VPS54: variants seen among roughly 807,000 people sequenced by gnomAD.
The protein encoded by VPS54 is VPS54 subunit of GARP complex, also known as vacuolar protein sorting-associated protein 54.
In VPS54, 45 loss-of-function variants were observed where a neutral mutation model predicts 121.5. The observed-to-expected ratio is 0.37, with a 90% CI of 0.29 to 0.47. The LOEUF is 0.47. Among genes scored for constraint, VPS54 ranks in the 20% least tolerant of loss-of-function variants. The probability of loss-of-function intolerance (pLI) is 0.99; values close to 1 mark genes in which losing one functional copy is unlikely to be tolerated. For missense variants in VPS54, 1,090 were observed against 1,131.4 expected (o/e 0.96, Z 0.52); for synonymous variants, 371 against 385.8 (o/e 0.96, Z 0.45).
At chr2:63,930,727 T>C (rs148234846) in intron 12 of VPS54, among the ~76,000 whole-genome samples, 3,166 of 152,236 alleles carry the variant, frequency 0.021, 33 homozygotes, top group East Asian at 0.035. Context: ...TCAAATTGTC[T>C]CTGTTTGTAG....
At chr2:64,005,696 C>T (rs1368179071) in intron 1 of VPS54, among the ~76,000 whole-genome samples, 1 of 152,178 alleles carries the variant, frequency 6.6e-6, no homozygotes, top group Non-Finnish European at 1.5e-5. Flanking sequence ...CTTGTACCCA[C>T]CCAGCTGTGA....
chr2:64,018,190 CAATTT>C (rs1286753009), intron 1 of VPS54, among the ~76,000 whole-genome samples: 1 of 152,126 alleles, frequency 6.6e-6, no homozygotes, highest in Non-Finnish European at 1.5e-5. Context: ...ACAGTCCAAA[CAATTT>C]AATTCTTCGA....
At chr2:63,916,593 G>A (rs1160144962) in intron 16 of VPS54, among the ~76,000 whole-genome samples, 2 of 152,126 alleles carry the variant, frequency 1.3e-5, no homozygotes, top group Non-Finnish European at 2.9e-5. Context: ...GAAAGAGCCT[G>A]GGATAGCAAT....
chr2:63,959,309 G>A (rs1034650473), intron 7 of VPS54, among the ~76,000 whole-genome samples: 3 of 152,104 alleles, frequency 2.0e-5, no homozygotes, highest in South Asian at 2.1e-4. Context: ...ACTACTTCAC[G>A]TATGATTCAG....
chr2:63,913,360 T>G, intron 17 of VPS54, 50 bp from the exon 18 acceptor site: 1 of 1,402,500 alleles, frequency 7.1e-7, no homozygotes, highest in Non-Finnish European at 9.9e-7. Flanking sequence ...AAACTGTTCT[T>G]TATATCCTGG....
intron 20 of VPS54, among the ~76,000 whole-genome samples, chr2:63,910,119 T>C (rs964028258): frequency 6.6e-6 from 1 of 152,186 alleles, no homozygotes; most frequent in African/African-American, 2.4e-5. Flanking sequence ...GGTTAAAAAC[T>C]GAAAGGCAAA....
intron 16 of VPS54, among the ~76,000 whole-genome samples, chr2:63,915,577 T>A (rs989869882): frequency 1.3e-5 from 2 of 152,168 alleles, no homozygotes; most frequent in African/African-American, 2.4e-5. Context: ...ACTCTCTGCC[T>A]AAAGAGCCAA....
intron 1 of VPS54, among the ~76,000 whole-genome samples, chr2:64,013,643 A>AC (rs1336610591): frequency 1.4e-5 from 2 of 145,598 alleles, no homozygotes; most frequent in African/African-American, 2.5e-5. Context: ...AATATATATC[A>AC]ATATATAGAT....
intron 1 of VPS54, among the ~76,000 whole-genome samples, chr2:64,017,209 C>T (rs775268993): frequency 6.6e-6 from 1 of 151,240 alleles, no homozygotes; most frequent in Non-Finnish European, 1.5e-5. Context: ...GGCGTGGGGG[C>T]GCCTGTAGTC....
At chr2:63,976,825 CTTTTT>C (rs1174931536) in intron 3 of VPS54, among the ~76,000 whole-genome samples, 9 of 89,680 alleles carry the variant, frequency 1.0e-4, no homozygotes, top group Non-Finnish European at 1.3e-4. Flanking sequence ...TATATCTTCT[CTTTTT>C]TTTTTTTTTT....
chr2:63,941,901 G>A (rs1262653062), intron 11 of VPS54, among the ~76,000 whole-genome samples: 1 of 151,860 alleles, frequency 6.6e-6, no homozygotes, highest in African/African-American at 2.4e-5. Context: ...AGGCGTGGTG[G>A]CACACGCCTA....
chr2:63,987,957 A>G (rs939251686), intron 1 of VPS54, among the ~76,000 whole-genome samples: 1 of 152,188 alleles, frequency 6.6e-6, no homozygotes, highest in Non-Finnish European at 1.5e-5. Flanking sequence ...AAGATCATAT[A>G]ATCTACAAAC....
rs760625042 is a variant in VPS54, at chr2:63,972,161, C to A, written c.457+5G>T. On this transcript the variant is annotated splice_donor_5th_base_variant and intron_variant, in intron 4 of 22. Coordinates refer to ENST00000272322, the MANE Select transcript of VPS54 (RefSeq NM_016516.3). ...TTATTATCTATAAATAACACATATT[C>A]ATACCATGAGTATGTAAAAGAGTCC... 32 of 1,539,578 alleles carry A rather than the reference C, an allele frequency of 2.1e-5. No homozygotes were observed. Among genetic ancestry groups the A allele is most frequent in the Non-Finnish European group, 2.5e-5 (28 of 1,129,996 alleles).
At chr2:63,947,018 CAG>C (rs1247248346) in intron 9 of VPS54, among the ~76,000 whole-genome samples, 2 of 151,848 alleles carry the variant, frequency 1.3e-5, no homozygotes, top group Non-Finnish European at 2.9e-5. Context: ...ATATTCAACA[CAG>C]AGGAAAAGTT....
At chr2:63,983,773 A>G in intron 2 of VPS54, 91 bp downstream of exon 2, 1 of 1,422,252 alleles carries the variant, frequency 7.0e-7, no homozygotes, top group South Asian at 1.6e-5. Context: ...CATAAAATTT[A>G]CTCTTCTAAC....
At chr2:63,986,806 A>G (rs1677074532) in intron 1 of VPS54, among the ~76,000 whole-genome samples, 1 of 152,178 alleles carries the variant, frequency 6.6e-6, no homozygotes, top group Non-Finnish European at 1.5e-5. Flanking sequence ...GAGATAGCTC[A>G]TTGTACTTCT....
intron 12 of VPS54, among the ~76,000 whole-genome samples, chr2:63,926,399 G>T (rs1050040962): frequency 6.6e-6 from 1 of 152,144 alleles, no homozygotes. Context: ...TATAGCTCAG[G>T]GTTTGGTTTG....
Position 63,965,812 on chromosome 2 carries a change from G to T in VPS54, c.624+23C>A, listed in dbSNP as rs777834966. 5.6e-6 allele frequency: 9 copies of T among 1,608,204 alleles called. No homozygotes were observed. The Admixed American group carries it at 1.5e-4, about 27-fold the overall frequency. On this transcript the variant is annotated intron_variant, in intron 6 of 22. Transcript: ENST00000272322. ...GCTTAACTAGAATAGTTTCCTACAT[G>T]GAAAAAGTCAAAAAGAAATTACCTT...
chr2:63,927,455 A>C (rs867144400), intron 12 of VPS54, among the ~76,000 whole-genome samples: 1 of 152,322 alleles, frequency 6.6e-6, no homozygotes, highest in African/African-American at 2.4e-5. Flanking sequence ...AAACAAAGGA[A>C]TAGCATCAAC....
Sources: gnomAD v4.1 joint callset for allele counts (sites outside exome capture counted in the v4.1 genomes callset) on GRCh38, gnomAD v4.1.1 for gene constraint, MANE v1.5 for transcripts, NCBI Gene and HGNC (gene_info 2026-07-23, HGNC 2026-07-21) for gene names.